Variants in CDK12 observed in about 807,000 individuals in gnomAD.
CDK12 encodes the protein cyclin dependent kinase 12, also known as cyclin-dependent kinase 12.
A neutral mutation model predicts 133.8 loss-of-function variants in CDK12; 17 were observed. That is an observed-to-expected ratio of 0.13 (90% CI 0.09 to 0.19). The LOEUF (loss-of-function observed/expected upper bound fraction) is 0.19. Among genes scored for constraint, CDK12 ranks in the 10% least tolerant of loss-of-function variants. The probability of loss-of-function intolerance (pLI) is 1.00; values close to 1 mark genes in which losing one functional copy is unlikely to be tolerated. For synonymous variants in CDK12, 694 were observed against 683.6 expected, an observed-to-expected ratio of 1.02 and a Z score of -0.24; for missense variants, 1,508 against 1,818.7, an observed-to-expected ratio of 0.83 and a Z score of 3.11.
At chr17:39,528,537 G>C (rs1327462513) in intron 13 of CDK12, among the ~76,000 whole-genome samples, 1 of 152,124 alleles carries the variant, frequency 6.6e-6, no homozygotes. Flanking sequence ...GTTTCACCTT[G>C]TTGGCCAGGC....
chr17:39,481,629 GCGCGCTCTCTCTCTCTCTCTCT>G (rs2050664667), intron 2 of CDK12, among the ~76,000 whole-genome samples: 1 of 25,024 alleles, frequency 4.0e-5, no homozygotes, highest in African/African-American at 8.7e-5. Context: ...TTGCTCGCTC[GCGCGCTCTCTCTCTCTCTCTCT>G]CTCTCTCTCT....
intron 2 of CDK12, among the ~76,000 whole-genome samples, chr17:39,476,720 T>G (rs1468751863): frequency 9.1e-6 from 1 of 110,082 alleles, no homozygotes; most frequent in African/African-American, 3.5e-5. Flanking sequence ...CCTTTTTTTT[T>G]TTTTTTTTTT....
chr17:39,564,767 C>CT (rs1394311739), exon 4 of CDK12: 1 of 152,164 alleles, frequency 6.6e-6, no homozygotes, highest in East Asian at 1.9e-4. Flanking sequence ...TAGCACCTGC[C>CT]TTAGAGAGCT....
intron 3 of CDK12, chr17:39,557,079 T>C (rs1352169080): frequency 6.6e-6 from 1 of 152,070 alleles, no homozygotes; most frequent in Non-Finnish European, 1.5e-5. Flanking sequence ...AACAGAAGGG[T>C]AAATACAGAG....
rs145816081 is a variant in CDK12 at position 39,554,119 on chromosome 17, T to C, written n.357-2167T>C. The stretch of plus-strand genomic sequence containing the variant: ...AGGGTAGCTCAGTGCCCCTGGGCAC[T>C]TTCCAGAAGAGGGGTTTCTAGGCAA... On this transcript the variant is annotated intron_variant and non_coding_transcript_variant, in intron 2 of 3. Transcript: ENST00000558240. Among the ~76,000 whole-genome samples, 434 of 152,304 alleles carry C rather than the reference T, an allele frequency of 2.8e-3. 2 individuals carry two copies. The Middle Eastern group carries it at 0.061, about 21-fold the overall frequency.
chr17:39,548,290 T>G (rs1365600347), upstream of CDK12, among the ~76,000 whole-genome samples: 1 of 152,178 alleles, frequency 6.6e-6, no homozygotes, highest in Non-Finnish European at 1.5e-5. Context: ...CTAAACACTT[T>G]GCTCTAGTGG....
rs1035682276 is a variant in CDK12 at position 39,471,103 on chromosome 17, C to T, written c.1271C>T (p.Pro424Leu). Reference sequence around the variant, plus strand: ...GATGGAAAGGAGTCCAAGGGTTCACCTGTATTTTTGCCTAGAAAAGAGAAC... The same window carrying T: ...GATGGAAAGGAGTCCAAGGGTTCACTTGTATTTTTGCCTAGAAAAGAGAAC... ...KMDGKESKGS[P>L]VFLPRKENSS... is the part of the protein sequence containing the mutation. The change falls in exon 2 of 14, where the codon CCT becomes CTT. Residue 424 changes from proline to leucine, a missense_variant. Physicochemically the swap from Pro to Leu is moderately conservative, Grantham distance 98. Coordinates refer to ENST00000447079, the MANE Select transcript of CDK12 (RefSeq NM_016507.4). The T allele has an allele frequency of 3.7e-6, 6 of 1,609,672 alleles. No homozygotes were observed. Among genetic ancestry groups the T allele is most frequent in the Non-Finnish European group, 4.2e-6 (5 of 1,178,820 alleles).
chr17:39,498,215 T>C (rs192297297), intron 5 of CDK12, among the ~76,000 whole-genome samples: 57 of 151,484 alleles, frequency 3.8e-4, no homozygotes, highest in Admixed American at 1.3e-3. Flanking sequence ...CCTGGTCTTT[T>C]TGTTTTGTTT....
At chr17:39,523,329 G>A (rs1264773965) in intron 11 of CDK12, among the ~76,000 whole-genome samples, 1 of 151,876 alleles carries the variant, frequency 6.6e-6, no homozygotes, top group African/African-American at 2.4e-5. Context: ...ACAAAAATTA[G>A]CCAGGCGTAG....
At chr17:39,500,666 G>A (rs1419883162) in intron 5 of CDK12, among the ~76,000 whole-genome samples, 3 of 152,080 alleles carry the variant, frequency 2.0e-5, no homozygotes, top group Non-Finnish European at 4.4e-5. Context: ...CCTGGTCAGG[G>A]CACCTGCCCC....
At chr17:39,484,557 T>C (rs1050837645) in intron 2 of CDK12, among the ~76,000 whole-genome samples, 8 of 152,302 alleles carry the variant, frequency 5.3e-5, no homozygotes, top group Middle Eastern at 3.4e-3. Flanking sequence ...TTTTAGTACA[T>C]TGGAATTTAC....
chr17:39,532,620 C>T lies in CDK12; in HGVS notation c.*1304C>T, dbSNP rs532809957. 20 of 232,368 alleles carry T rather than the reference C, an allele frequency of 8.6e-5. No homozygotes were observed. The highest frequency in any genetic ancestry group is 4.2e-4 in the African/African-American group (19 of 45,384). 14.4% of individuals were successfully genotyped at this position (232,368 alleles called of 1,614,324 possible). ...TTTTAAAAAAATAATTTTAAAACAG[C>T]ATACTGTGAGGAAGAACAGTATTGA... On this transcript the variant is annotated 3_prime_UTR_variant, in exon 14 of 14. Transcript: ENST00000447079.
At chr17:39,463,355 G>A (rs558788400) in intron 1 of CDK12, among the ~76,000 whole-genome samples, 2 of 152,326 alleles carry the variant, frequency 1.3e-5, no homozygotes, top group African/African-American at 2.4e-5. Context: ...GTCTTCAGTT[G>A]TAAGCTTCTG....
At chr17:39,564,509 C>G (rs2056504725) in intron 3 of CDK12, among the ~76,000 whole-genome samples, 1 of 152,180 alleles carries the variant, frequency 6.6e-6, no homozygotes, top group Non-Finnish European at 1.5e-5. Context: ...CCAACCATTC[C>G]CTATAGCTGG....
Position 39,462,709 on chromosome 17 carries a change from T to C in CDK12, c.638T>C (p.Val213Ala), listed in dbSNP as rs2049038417. The change falls in exon 1 of 14, where the codon GTG becomes GCG. Residue 213 changes from valine (V) to alanine (A), a missense_variant. Physicochemically the swap from Val to Ala is moderately conservative, Grantham distance 64. Around this residue, in one of 9 missense-constraint regions of CDK12, gnomAD observed 460 missense variants for 490.8 expected, o/e 0.94. Coordinates refer to ENST00000447079, the MANE Select transcript of CDK12 (RefSeq NM_016507.4). ...GAAACACCCAAAAGTTACAAAACAG[T>C]GGACAGCCCAAAACGGAGATCCAGG... ...KRETPKSYKT[V>A]DSPKRRSRSP... The C allele has an allele frequency of 6.2e-7, 1 of 1,613,998 alleles. No individual in the cohort carries two copies. The highest frequency in any genetic ancestry group is 1.7e-5 in the Admixed American group (1 of 59,992).
chr17:39,495,842 A>C, intron 5 of CDK12, among the ~76,000 whole-genome samples: 1 of 151,508 alleles, frequency 6.6e-6, no homozygotes, highest in Non-Finnish European at 1.5e-5. Context: ...ACTTCCTCCC[A>C]ATATACTACC....
At chr17:39,544,606 T>TGGTG, upstream of CDK12, among the ~76,000 whole-genome samples, 1 of 147,602 alleles carries the variant, frequency 6.8e-6, no homozygotes. Context: ...GCCTCTTGAG[T>TGGTG]AGCTGGGTAA....
Position 39,530,848 on chromosome 17 carries a change from C to T in CDK12, c.4005C>T (p.Asn1335=), listed in dbSNP as rs146308007. The T allele has an allele frequency of 2.5e-6, 4 of 1,614,100 alleles. No homozygotes were observed. The African/African-American group carries it at 4.0e-5, about 16-fold the overall frequency. Residue 1335 remains asparagine (N), a synonymous_variant, in exon 14 of 14, where the codon AAC becomes AAT. Coordinates refer to ENST00000447079, the MANE Select transcript of CDK12 (RefSeq NM_016507.4). ...PMEYSTRPRP[N]RTYGNTDGPE... ...AGTACTCCACCCGACCCCGTCCAAA[C>T]AGGACTTATGGAAACACTGATGGGC... is the stretch of plus-strand genomic sequence containing the variant.
At chr17:39,518,420 G>GC (rs2053948546) in intron 10 of CDK12, among the ~76,000 whole-genome samples, 1 of 151,708 alleles carries the variant, frequency 6.6e-6, no homozygotes, top group East Asian at 1.9e-4. Flanking sequence ...TCCTGCCTCA[G>GC]CCCCCCAAAT....
Sources: allele counts gnomAD v4.1 joint callset (sites outside exome capture counted in the v4.1 genomes callset), GRCh38; gene constraint gnomAD v4.1.1; regional missense constraint gnomAD v4.1.1; transcripts MANE v1.5; gene names NCBI Gene and HGNC (gene_info 2026-07-23, HGNC 2026-07-21).